Variants in HFM1 observed in about 807,000 individuals in gnomAD.
HFM1 encodes probable ATP-dependent DNA helicase HFM1.
HFM1 carries 169 observed loss-of-function variants against 192.1 expected under a neutral mutation model. The ratio of observed to expected loss-of-function variants is 0.88; its 90% CI spans 0.78 to 1.00. The LOEUF (loss-of-function observed/expected upper bound fraction) is 1.00. Ranked by LOEUF, HFM1 falls within the 50% of genes least tolerant of loss-of-function variation. HFM1 has a pLI of 0.00. For synonymous variants in HFM1, 525 were observed against 537.8 expected (o/e 0.98, Z 0.33); for missense variants, 1,661 against 1,668.0 (o/e 1.00, Z 0.07).
chr1:91,407,733 T>C (rs1053243673), upstream of HFM1, among the ~76,000 whole-genome samples: 1 of 152,224 alleles, frequency 6.6e-6, no homozygotes, highest in African/African-American at 2.4e-5. Flanking sequence ...TGTGTAAATA[T>C]CTCCGTTCAA....
chr1:91,318,213 AATCCCCACTTCACCCCAG>A (rs1651548451), intron 25 of HFM1, among the ~76,000 whole-genome samples: 1 of 152,120 alleles, frequency 6.6e-6, no homozygotes, highest in Admixed American at 6.6e-5. Context: ...TTCACCAGCC[AATCCCCACTTCACCCCAG>A]CTCCCATGAC....
At chr1:91,321,865 A>G (rs931058893) in intron 23 of HFM1, among the ~76,000 whole-genome samples, 1 of 152,234 alleles carries the variant, frequency 6.6e-6, no homozygotes, top group Admixed American at 6.5e-5. Flanking sequence ...GTGCAAATAA[A>G]GTGTTCCCAA....
chr1:91,352,984 T>C, intron 15 of HFM1, 67 bp downstream of exon 15: 3 of 1,039,888 alleles, frequency 2.9e-6, no homozygotes, highest in Non-Finnish European at 4.3e-6. Flanking sequence ...CGCTTTTTCC[T>C]TTTTTCCTCT....
chr1:91,335,925 T>G (rs1654508593), intron 20 of HFM1, among the ~76,000 whole-genome samples: 1 of 152,004 alleles, frequency 6.6e-6, no homozygotes, highest in Non-Finnish European at 1.5e-5. Flanking sequence ...TGCCAAATGT[T>G]CTTAGGATTG....
At chr1:91,297,463 C>A (rs1212604845) in intron 30 of HFM1, among the ~76,000 whole-genome samples, 2 of 152,224 alleles carry the variant, frequency 1.3e-5, no homozygotes, top group African/African-American at 4.8e-5. Flanking sequence ...CAGCATGCAG[C>A]TGGAGATCTG....
intron 30 of HFM1, among the ~76,000 whole-genome samples, chr1:91,278,327 CT>C (rs1383558827): frequency 6.6e-6 from 1 of 151,996 alleles, no homozygotes; most frequent in African/African-American, 2.4e-5. Context: ...TTTAAATCAG[CT>C]TTTTCTTGAT....
chr1:91,367,757 T>C (rs955315351), intron 13 of HFM1, among the ~76,000 whole-genome samples: 21 of 152,062 alleles, frequency 1.4e-4, no homozygotes, highest in Non-Finnish European at 2.2e-4. Flanking sequence ...GGACGGAGAA[T>C]GACTGACGAG....
At chr1:91,296,506 A>G (rs1466481144) in intron 30 of HFM1, among the ~76,000 whole-genome samples, 1 of 151,898 alleles carries the variant, frequency 6.6e-6, no homozygotes, top group African/African-American at 2.4e-5. Context: ...GTCCTTTTGA[A>G]TTTTCATATG....
upstream of HFM1, among the ~76,000 whole-genome samples, chr1:91,406,669 C>T (rs1357625956): frequency 6.6e-6 from 1 of 152,114 alleles, no homozygotes. Flanking sequence ...CATAAGCAAT[C>T]CTCCAAATTG....
At chr1:91,364,578 C>G (rs1658978385) in intron 13 of HFM1, among the ~76,000 whole-genome samples, 1 of 135,666 alleles carries the variant, frequency 7.4e-6, no homozygotes, top group Non-Finnish European at 1.6e-5. Context: ...AATGTGGTAT[C>G]TGTGTGTGTA....
At chr1:91,307,838 C>T (rs1412367043) in intron 30 of HFM1, among the ~76,000 whole-genome samples, 1 of 150,896 alleles carries the variant, frequency 6.6e-6, no homozygotes, top group Non-Finnish European at 1.5e-5. Context: ...CTTCCTCTTT[C>T]TTTCTCTTCT....
rs148975767 is a variant in HFM1, at chr1:91,362,444, T to C, written c.1686-9145A>G. On this transcript the variant is annotated intron_variant, in intron 13 of 38. Coordinates refer to ENST00000370425, the MANE Select transcript of HFM1 (RefSeq NM_001017975.6). The stretch of plus-strand genomic sequence containing the variant: ...ACAGTGAATGAACTCCCATTCACAA[T>C]TGCTACAAAAAGAATAAAATACCTA... 6.3e-3 allele frequency among the ~76,000 whole-genome samples: 964 copies of C among 152,164 alleles called. 3 individuals carry two copies. Among genetic ancestry groups the C allele is most frequent in the Non-Finnish European group, 0.011 (727 of 67,994 alleles).
chr1:91,355,796 A>C (rs1050061536), intron 13 of HFM1, among the ~76,000 whole-genome samples: 1 of 152,216 alleles, frequency 6.6e-6, no homozygotes, highest in African/African-American at 2.4e-5. Flanking sequence ...CACTTTCAAT[A>C]ATGATAGATT....
intron 30 of HFM1, among the ~76,000 whole-genome samples, chr1:91,289,763 G>A (rs1668505145): frequency 6.6e-6 from 1 of 152,142 alleles, no homozygotes; most frequent in African/African-American, 2.4e-5. Flanking sequence ...GGCAGGCTGA[G>A]GCAGGAGAAT....
intron 13 of HFM1, among the ~76,000 whole-genome samples, chr1:91,362,691 C>T (rs182978143): frequency 4.6e-5 from 7 of 152,210 alleles, no homozygotes; most frequent in Admixed American, 2.0e-4. Context: ...CAGAAAAAAA[C>T]TATTGTAAAA....
chr1:91,381,119 G>A, intron 6 of HFM1, 137 bp from the exon 7 acceptor site: 3 of 564,974 alleles, frequency 5.3e-6, no homozygotes, highest in East Asian at 3.1e-5. Flanking sequence ...TGGCATCTTA[G>A]GAAAAGAATT....
chr1:91,370,171 G>A (rs1196355801), intron 13 of HFM1, among the ~76,000 whole-genome samples: 1 of 152,142 alleles, frequency 6.6e-6, no homozygotes, highest in Non-Finnish European at 1.5e-5. Context: ...ACAAGGAGGA[G>A]TTGTTACCAT....
chr1:91,289,785 G>A (rs1347931768), intron 30 of HFM1, among the ~76,000 whole-genome samples: 1 of 152,156 alleles, frequency 6.6e-6, no homozygotes. Flanking sequence ...AGGCAGGGAG[G>A]TTGCAGTGAG....
intron 6 of HFM1, among the ~76,000 whole-genome samples, chr1:91,384,169 C>A (rs968579106): frequency 6.6e-6 from 1 of 152,116 alleles, no homozygotes; most frequent in Non-Finnish European, 1.5e-5. Flanking sequence ...TTGCTTATGT[C>A]TCTACTTTTG....
Sources: gnomAD v4.1 joint callset for allele counts (sites outside exome capture counted in the v4.1 genomes callset) on GRCh38, gnomAD v4.1.1 for gene constraint, MANE v1.5 for transcripts, NCBI Gene and HGNC (gene_info 2026-07-23, HGNC 2026-07-21) for gene names.